CCNY: variants seen among roughly 807,000 people sequenced by gnomAD.
The protein encoded by CCNY is cyclin Y, also known as cyclin-Y.
Under a neutral mutation model 42.8 loss-of-function variants are expected in CCNY, and 19 were observed. The observed-to-expected ratio is 0.44, with a 90% CI of 0.31 to 0.65. The LOEUF is 0.65. Among genes scored for constraint, CCNY ranks in the 30% least tolerant of loss-of-function variants. The pLI is 0.07. For missense variants in CCNY, 370 were observed against 437.3 expected (o/e 0.85, Z 1.37); for synonymous variants, 165 against 162.7 (o/e 1.01, Z -0.11).
intron 3 of CCNY, among the ~76,000 whole-genome samples, chr10:35,507,735 A>G (rs1007248161): frequency 6.6e-6 from 1 of 151,518 alleles, no homozygotes; most frequent in Non-Finnish European, 1.5e-5. Context: ...TCTGGAGCAG[A>G]TTCTCAGCCT....
intron 1 of CCNY, among the ~76,000 whole-genome samples, chr10:35,462,495 G>T (rs1437808741): frequency 6.6e-6 from 1 of 152,236 alleles, no homozygotes; most frequent in Non-Finnish European, 1.5e-5. Context: ...GAACTAGCTA[G>T]ACAGTGAGAC....
At chr10:35,527,740 G>A (rs1312242275) in intron 5 of CCNY, among the ~76,000 whole-genome samples, 1 of 152,216 alleles carries the variant, frequency 6.6e-6, no homozygotes, top group Non-Finnish European at 1.5e-5. Context: ...TTGTAAACAA[G>A]CAAGATTAAT....
At position 35,570,037 on chromosome 10, in the gene CCNY, G is replaced by A. The variant is rs1274166668; in HGVS notation, c.*867G>A. The A allele has an allele frequency of 6.5e-6, 1 of 152,788 alleles. No homozygotes were observed. The highest frequency in any genetic ancestry group is 1.5e-5 in the Non-Finnish European group (1 of 68,064). 9.5% of individuals were successfully genotyped at this position (152,788 alleles called of 1,614,324 possible). On this transcript the variant is annotated 3_prime_UTR_variant, in exon 10 of 10. Coordinates refer to ENST00000374704, the MANE Select transcript of CCNY (RefSeq NM_145012.6). ...ACACGGTGCAGCAGAGGGTGTCCCT[G>A]TGAGAGTTCTGCAGAGTGCTGGGCA... is the stretch of plus-strand genomic sequence containing the variant.
chr10:35,287,955 C>G (rs934543903), intron 3 of CCNY, among the ~76,000 whole-genome samples: 1 of 152,096 alleles, frequency 6.6e-6, no homozygotes, highest in Non-Finnish European at 1.5e-5. Flanking sequence ...TGTGTATTTT[C>G]ACTTTTCTTG....
intron 8 of CCNY, among the ~76,000 whole-genome samples, chr10:35,561,110 T>A (rs1841457448): frequency 6.6e-6 from 1 of 152,190 alleles, no homozygotes; most frequent in Non-Finnish European, 1.5e-5. Flanking sequence ...ATGGGTTCCT[T>A]CCACAAATCC....
At chr10:35,418,179 G>A (rs1188941637) in intron 1 of CCNY, among the ~76,000 whole-genome samples, 2 of 152,190 alleles carry the variant, frequency 1.3e-5, no homozygotes, top group Non-Finnish European at 2.9e-5. Context: ...ATCAGGGCTT[G>A]TGAATATCAA....
intron 2 of CCNY, among the ~76,000 whole-genome samples, chr10:35,487,537 GA>G (rs1247536228): frequency 1.3e-5 from 2 of 152,082 alleles, no homozygotes; most frequent in Non-Finnish European, 2.9e-5. Context: ...GACTGATTTA[GA>G]TGGCACTTGC....
At position 35,483,412 on chromosome 10, in the gene CCNY, A is replaced by G. The variant is rs773141211; in HGVS notation, c.163A>G (p.Met55Val). ...TTTTCCTTTCTTTAAAGATTTGAAC[A>G]TGGAATTCAATCCTTCAGATCATCC... Reference protein sequence around the residue: ...SDRENIDDLNMEFNPSDHPRA... With the variant: ...SDRENIDDLNVEFNPSDHPRA... The change falls in exon 2 of 10, where the codon ATG becomes GTG. Residue 55 changes from methionine (M) to valine (V), a missense_variant. By Grantham distance (21) the Met-to-Val change is conservative (BLOSUM62 1). Around this residue, in one of 2 missense-constraint regions of CCNY, gnomAD observed 136 missense variants for 124.2 expected, o/e 1.09. Transcript: ENST00000374704. The G allele has an allele frequency of 3.7e-6, 6 of 1,602,254 alleles. No homozygotes were observed. In the African/African-American group the frequency reaches 5.4e-5, roughly 14 times the overall value.
At chr10:35,466,197 G>C (rs1839266952) in intron 1 of CCNY, among the ~76,000 whole-genome samples, 1 of 152,080 alleles carries the variant, frequency 6.6e-6, no homozygotes, top group Non-Finnish European at 1.5e-5. Flanking sequence ...CATGTACCAG[G>C]CTTGGTGGGA....
chr10:35,467,683 A>G (rs1053674011), intron 1 of CCNY, among the ~76,000 whole-genome samples: 8 of 152,246 alleles, frequency 5.3e-5, no homozygotes, highest in Admixed American at 1.3e-4. Flanking sequence ...AGGGCCCCCA[A>G]TACAATGTTG....
chr10:35,461,110 TGGAA>T (rs1839148526), intron 1 of CCNY, among the ~76,000 whole-genome samples: 1 of 152,196 alleles, frequency 6.6e-6, no homozygotes, highest in Non-Finnish European at 1.5e-5. Flanking sequence ...CTCCTGTTTA[TGGAA>T]GCAAGTGGGG....
intron 1 of CCNY, among the ~76,000 whole-genome samples, chr10:35,413,271 G>A (rs1837953065): frequency 6.6e-6 from 1 of 152,156 alleles, no homozygotes; most frequent in Non-Finnish European, 1.5e-5. Context: ...GGGTGGAGGT[G>A]GTTGGATATG....
intron 1 of CCNY, among the ~76,000 whole-genome samples, chr10:35,374,920 G>A (rs1837017078): frequency 6.6e-6 from 1 of 152,172 alleles, no homozygotes; most frequent in Non-Finnish European, 1.5e-5. Flanking sequence ...CTTCTCGGAT[G>A]CTTGTCATTT....
intron 1 of CCNY, among the ~76,000 whole-genome samples, chr10:35,473,995 G>A (rs1839446358): frequency 3.3e-5 from 5 of 152,214 alleles, no homozygotes; most frequent in African/African-American, 7.2e-5. Flanking sequence ...AAGCGCAAGG[G>A]GTCAGGGAGT....
chr10:35,539,846 A>G (rs960040734), intron 7 of CCNY, among the ~76,000 whole-genome samples: 1 of 152,220 alleles, frequency 6.6e-6, no homozygotes, highest in Non-Finnish European at 1.5e-5. Context: ...GCTGTTATAA[A>G]TTGAATTGTT....
At chr10:35,440,518 C>A (rs1233713636) in intron 1 of CCNY, among the ~76,000 whole-genome samples, 1 of 152,224 alleles carries the variant, frequency 6.6e-6, no homozygotes, top group Non-Finnish European at 1.5e-5. Flanking sequence ...TGCCTACCCT[C>A]CTCCAGACCC....
intron 1 of CCNY, among the ~76,000 whole-genome samples, chr10:35,373,932 C>A (rs113147702): frequency 0.026 from 3,979 of 150,582 alleles, 92 homozygotes; most frequent in Admixed American, 0.056. Context: ...AACTTGTTTT[C>A]TCAAGTGCCC....
chr10:35,378,716 C>T (rs1837110000), intron 1 of CCNY, among the ~76,000 whole-genome samples: 1 of 152,038 alleles, frequency 6.6e-6, no homozygotes, highest in African/African-American at 2.4e-5. Flanking sequence ...CCACATCCTG[C>T]CCCGTTCGAT....
At chr10:35,318,189 C>T (rs1262087016) in intron 3 of CCNY, among the ~76,000 whole-genome samples, 1 of 152,040 alleles carries the variant, frequency 6.6e-6, no homozygotes, top group African/African-American at 2.4e-5. Flanking sequence ...GATTGTGCCA[C>T]TGCACTCCAG....
Sources: allele counts gnomAD v4.1 joint callset (sites outside exome capture counted in the v4.1 genomes callset), GRCh38; gene constraint gnomAD v4.1.1; regional missense constraint gnomAD v4.1.1; transcripts MANE v1.5; gene names NCBI Gene and HGNC (gene_info 2026-07-23, HGNC 2026-07-21).